PRKCE: variants seen among roughly 807,000 people sequenced by gnomAD.
The protein encoded by PRKCE is protein kinase C epsilon, also known as protein kinase C epsilon type.
A neutral mutation model predicts 85.4 loss-of-function variants in PRKCE; 16 were observed. The observed-to-expected ratio is 0.19, with a 90% CI of 0.13 to 0.28. The LOEUF (loss-of-function observed/expected upper bound fraction) is 0.28. Ranked by LOEUF, PRKCE falls within the 10% of genes least tolerant of loss-of-function variation. PRKCE has a pLI of 1.00. For missense variants in PRKCE, 573 were observed against 975.2 expected (o/e 0.59, Z 5.49); for synonymous variants, 388 against 371.5 (o/e 1.04, Z -0.51).
intron 1 of PRKCE, among the ~76,000 whole-genome samples, chr2:45,665,451 A>G (rs1008421006): frequency 1.3e-5 from 2 of 152,222 alleles, no homozygotes; most frequent in Non-Finnish European, 2.9e-5. Context: ...AGATAGATGT[A>G]GGTGAAATGT....
chr2:45,954,553 A>C (rs757698341), intron 2 of PRKCE, among the ~76,000 whole-genome samples: 1 of 152,212 alleles, frequency 6.6e-6, no homozygotes, highest in Non-Finnish European at 1.5e-5. Flanking sequence ...GCATGCATGA[A>C]AATAGGAAAC....
intron 10 of PRKCE, among the ~76,000 whole-genome samples, chr2:46,039,706 C>T (rs1016785315): frequency 6.6e-6 from 1 of 152,110 alleles, no homozygotes; most frequent in African/African-American, 2.4e-5. Context: ...AAGTGTTTTT[C>T]CTGTTGTTTA....
At chr2:45,884,978 T>G (rs1368169886) in intron 2 of PRKCE, among the ~76,000 whole-genome samples, 1 of 69,194 alleles carries the variant, frequency 1.4e-5, no homozygotes, top group Non-Finnish European at 3.2e-5. Context: ...TATATATATA[T>G]ATATATATAT....
chr2:46,046,557 T>C (rs1708535130), intron 10 of PRKCE, among the ~76,000 whole-genome samples: 1 of 152,218 alleles, frequency 6.6e-6, no homozygotes, highest in African/African-American at 2.4e-5. Context: ...ACACGTCACA[T>C]TGAAAAATGG....
intron 1 of PRKCE, among the ~76,000 whole-genome samples, chr2:45,752,808 G>A (rs1423291944): frequency 6.6e-6 from 1 of 152,186 alleles, no homozygotes; most frequent in Non-Finnish European, 1.5e-5. Context: ...GCCAGCCACA[G>A]CCAGAGACAG....
chr2:46,029,377 A>G (rs1241798374), intron 10 of PRKCE, among the ~76,000 whole-genome samples: 2 of 152,188 alleles, frequency 1.3e-5, no homozygotes, highest in East Asian at 3.8e-4. Flanking sequence ...CTTTTCCACA[A>G]CTTTTTTATT....
At chr2:46,017,622 G>A (rs1019464203) in intron 10 of PRKCE, among the ~76,000 whole-genome samples, 1 of 152,130 alleles carries the variant, frequency 6.6e-6, no homozygotes, top group Non-Finnish European at 1.5e-5. Context: ...TTGAGGAACC[G>A]CTATACTGTT....
In PRKCE at chr2:45,821,012, CCAG is replaced by C. The variant is rs1260876507; in HGVS notation, c.349-21985_349-21983del. Among the ~76,000 whole-genome samples the C allele has an allele frequency of 2.0e-5, 3 of 152,092 alleles. No homozygotes were observed. In the East Asian group the frequency reaches 5.8e-4, roughly 29 times the overall value. ...TCACCTTATACAAGAGATTACACAG[CCAG>C]CATATTTGAGCCCCAAGGGTCAGGG... is the stretch of plus-strand genomic sequence containing the variant. On this transcript the variant is annotated intron_variant, in intron 1 of 14. Transcript: ENST00000306156.
intron 2 of PRKCE, among the ~76,000 whole-genome samples, chr2:45,878,583 C>A (rs1223324154): frequency 1.8e-4 from 28 of 152,178 alleles, no homozygotes; most frequent in Non-Finnish European, 3.4e-4. Context: ...ATCTTCACTA[C>A]TATCTTGTCT....
chr2:46,089,376 C>G (rs570599489), intron 11 of PRKCE, among the ~76,000 whole-genome samples: 31 of 152,318 alleles, frequency 2.0e-4, no homozygotes, highest in African/African-American at 7.2e-4. Context: ...CCTTCCCAGC[C>G]TTCTCCCTTC....
At chr2:45,850,434 G>A (rs1429803185) in intron 2 of PRKCE, among the ~76,000 whole-genome samples, 3 of 152,284 alleles carry the variant, frequency 2.0e-5, no homozygotes, top group South Asian at 2.1e-4. Context: ...GGAAATTCCT[G>A]TTTGCAGCTG....
At chr2:45,841,599 A>G (rs1691355529) in intron 1 of PRKCE, among the ~76,000 whole-genome samples, 1 of 152,210 alleles carries the variant, frequency 6.6e-6, no homozygotes. Context: ...CACTGGCTCA[A>G]ATATTAATCT....
At chr2:45,736,702 C>T (rs1008293143) in intron 1 of PRKCE, among the ~76,000 whole-genome samples, 6 of 152,198 alleles carry the variant, frequency 3.9e-5, no homozygotes, top group African/African-American at 1.4e-4. Context: ...ACAGGAAGGG[C>T]TGAACCTCTT....
chr2:45,837,967 G>A (rs974064212), intron 1 of PRKCE, among the ~76,000 whole-genome samples: 3 of 152,184 alleles, frequency 2.0e-5, no homozygotes, highest in African/African-American at 7.2e-5. Flanking sequence ...AAACGGCTGA[G>A]CACCACCCCA....
At chr2:45,673,179 T>C (rs1338914807) in intron 1 of PRKCE, among the ~76,000 whole-genome samples, 1 of 152,230 alleles carries the variant, frequency 6.6e-6, no homozygotes, top group Non-Finnish European at 1.5e-5. Context: ...ACTTTTGTGA[T>C]TCAATCAGCC....
Position 46,139,044 on chromosome 2 carries a change from C to G in PRKCE, c.1593-6049C>G, listed in dbSNP as rs1325953969. ...GTGGAGAGTAAAGTAGCCATCTATC[C>G]AGGTGTCAGGCAACAAGGGCTATCG... On this transcript the variant is annotated intron_variant, in intron 11 of 14. Transcript: ENST00000306156. This position sits in a 1 kb window ranked among gnomAD's most constrained non-coding sequence, Gnocchi z 5.2. 3.3e-5 allele frequency among the ~76,000 whole-genome samples: 5 copies of G among 152,058 alleles called. No individual in the cohort carries two copies. In the East Asian group the frequency reaches 9.6e-4, roughly 29 times the overall value.
chr2:46,164,472 T>C (rs3768735), intron 14 of PRKCE, among the ~76,000 whole-genome samples: 9,045 of 152,304 alleles, frequency 0.059, 349 homozygotes, highest in East Asian at 0.087. Context: ...TGTCGTGTGT[T>C]ACCTCCACTT....
At position 46,185,973 on chromosome 2, in the gene PRKCE, G is replaced by A. The variant is rs143956408; in HGVS notation, c.*1092G>A. 4 of 152,520 alleles carry A rather than the reference G, an allele frequency of 2.6e-5. No homozygotes were observed. Among genetic ancestry groups the A allele is most frequent in the East Asian group, 1.9e-4 (1 of 5,192 alleles). The allele number at this position is 152,520 out of a possible 1,614,324, so 9.4% of individuals were successfully genotyped here. A position where few individuals can be genotyped will look rare whatever the true frequency, so the allele number is the denominator to read the frequency against. ...ACATTAAACATGTAAAGTTATATACGAAATATCTGCTTTTGGAATAAGCAG... is the reference window on the plus strand; with the variant it reads ...ACATTAAACATGTAAAGTTATATACAAAATATCTGCTTTTGGAATAAGCAG... On this transcript the variant is annotated 3_prime_UTR_variant, in exon 15 of 15. Transcript: ENST00000306156. This position sits in a 1 kb window ranked among gnomAD's most constrained non-coding sequence, Gnocchi z 4.7.
At chr2:46,152,164 T>A (rs1306180249) in intron 13 of PRKCE, among the ~76,000 whole-genome samples, 1 of 152,186 alleles carries the variant, frequency 6.6e-6, no homozygotes, top group Non-Finnish European at 1.5e-5. Context: ...TTTACCTGAT[T>A]ATATGTATTT....
Sources: gnomAD v4.1 joint callset for allele counts (sites outside exome capture counted in the v4.1 genomes callset) on GRCh38, gnomAD v4.1.1 for gene constraint, Gnocchi (gnomAD v3.1) non-coding constraint, MANE v1.5 for transcripts, NCBI Gene and HGNC (gene_info 2026-07-23, HGNC 2026-07-21) for gene names.